B3GALT5: variants seen among roughly 807,000 people sequenced by gnomAD.
B3GALT5 encodes the protein UDP-Gal:betaGlcNAc beta 1,3-galactosyltransferase, polypeptide 5.
For missense variants in B3GALT5, 328 were observed against 396.6 expected (o/e 0.83, Z 1.47); for synonymous variants, 156 against 158.6 (o/e 0.98, Z 0.12).
chr21:39,623,201 TCCTCCCTCCCTCCCTCCCTCCCTC>T (rs1233817989), intron 1 of B3GALT5, among the ~76,000 whole-genome samples: 2,078 of 54,150 alleles, frequency 0.038, 118 homozygotes, highest in African/African-American at 0.077. Context: ...CCTCCCTCCT[TCCTCCCTCCCTCCCTCCCTCCCTC>T]CCTCCCTCCC....
At chr21:39,635,655 T>C (rs2146194557) in intron 1 of B3GALT5, among the ~76,000 whole-genome samples, 1 of 152,266 alleles carries the variant, frequency 6.6e-6, no homozygotes, top group South Asian at 2.1e-4. Context: ...ATTTTGTATT[T>C]TTTTAGTAAA....
At chr21:39,633,197 G>T (rs745442599) in intron 1 of B3GALT5, among the ~76,000 whole-genome samples, 6 of 152,196 alleles carry the variant, frequency 3.9e-5, no homozygotes, top group Admixed American at 1.3e-4. Flanking sequence ...GGCCACAAAG[G>T]TTTCTGTGGA....
At chr21:39,656,645 C>G (rs1029371349) in intron 2 of B3GALT5, among the ~76,000 whole-genome samples, 2 of 152,124 alleles carry the variant, frequency 1.3e-5, no homozygotes, top group African/African-American at 4.8e-5. Context: ...TCCAGACCCC[C>G]CCTTCAGTTT....
intron 1 of B3GALT5, among the ~76,000 whole-genome samples, chr21:39,638,854 C>T (rs2079249574): frequency 6.6e-6 from 1 of 152,158 alleles, no homozygotes; most frequent in East Asian, 1.9e-4. Flanking sequence ...ATCACACGCC[C>T]TGGGAGGAGG....
At chr21:39,656,235 G>A (rs926305450) in intron 2 of B3GALT5, among the ~76,000 whole-genome samples, 13 of 152,286 alleles carry the variant, frequency 8.5e-5, no homozygotes, top group African/African-American at 2.2e-4. Context: ...TTCCTTCTGC[G>A]TTCCTGGTGA....
intron 1 of B3GALT5, among the ~76,000 whole-genome samples, chr21:39,639,447 T>TC (rs1555926226): frequency 2.2e-5 from 3 of 135,606 alleles, no homozygotes; most frequent in Admixed American, 7.4e-5. Context: ...TTTCTTTCTT[T>TC]CTTTCTTTTT....
In B3GALT5 at chr21:39,667,878, A is replaced by G. The variant is rs561413927; in HGVS notation, c.*6386A>G. 6.6e-5 allele frequency: 10 copies of G among 152,190 alleles called. No individual in the cohort carries two copies. Among genetic ancestry groups the G allele is most frequent in the South Asian group, 2.1e-4 (1 of 4,820 alleles). 9.4% of individuals were successfully genotyped at this position (152,190 alleles called of 1,614,324 possible). A position where few individuals can be genotyped will look rare whatever the true frequency, so the allele number is the denominator to read the frequency against. ...TCCGGGTTCCAGCCCTGGCTCTGCA[A>G]TTTGCTAGCTGTGGCCCCAGGTGGT... On this transcript the variant is annotated 3_prime_UTR_variant, in exon 4 of 4. Coordinates refer to ENST00000684187, the MANE Select transcript of B3GALT5 (RefSeq NM_001356336.2).
chr21:39,638,514 T>C (rs2146196763), intron 1 of B3GALT5, among the ~76,000 whole-genome samples: 1 of 152,248 alleles, frequency 6.6e-6, no homozygotes, highest in Middle Eastern at 3.4e-3. Context: ...GGCTCCCCCA[T>C]CTGCTGAGAG....
intron 1 of B3GALT5, among the ~76,000 whole-genome samples, chr21:39,642,882 A>AG (rs1352814030): frequency 7.0e-5 from 10 of 141,850 alleles, no homozygotes; most frequent in African/African-American, 5.2e-5. Context: ...ACAAAAAAAA[A>AG]AAAAAAAAAG....
chr21:39,632,532 T>C (rs979849946), intron 1 of B3GALT5, among the ~76,000 whole-genome samples: 9 of 152,242 alleles, frequency 5.9e-5, no homozygotes, highest in Admixed American at 3.3e-4. Context: ...TGAATGTTTT[T>C]TGGGGATGAA....
chr21:39,630,699 A>C (rs1021297611), intron 1 of B3GALT5, among the ~76,000 whole-genome samples: 1 of 152,174 alleles, frequency 6.6e-6, no homozygotes, highest in Non-Finnish European at 1.5e-5. Flanking sequence ...GGTAGTTTCC[A>C]TGCATTCACT....
intron 1 of B3GALT5, among the ~76,000 whole-genome samples, chr21:39,619,918 G>A (rs935120148): frequency 7.2e-5 from 11 of 151,916 alleles, no homozygotes; most frequent in African/African-American, 1.2e-4. Context: ...AGCAATTCTC[G>A]TGCCTCAGCC....
At chr21:39,642,516 T>G (rs1160045431) in intron 1 of B3GALT5, among the ~76,000 whole-genome samples, 2 of 152,240 alleles carry the variant, frequency 1.3e-5, no homozygotes, top group Non-Finnish European at 2.9e-5. Flanking sequence ...GAGGTTCCTC[T>G]TCTTATATAC....
chr21:39,639,359 C>CTTTCTTTCTTTTT (rs1569212217), intron 1 of B3GALT5, among the ~76,000 whole-genome samples: 1 of 100,534 alleles, frequency 9.9e-6, no homozygotes. Flanking sequence ...TCCTTCCTTC[C>CTTTCTTTCTTTTT]TTCCTTCCTT....
chr21:39,617,451 A>G (rs1445820864), intron 1 of B3GALT5, among the ~76,000 whole-genome samples: 1 of 152,198 alleles, frequency 6.6e-6, no homozygotes, highest in Non-Finnish European at 1.5e-5. Flanking sequence ...CATGTCTTAC[A>G]TGGCCTGAGA....
intron 1 of B3GALT5, among the ~76,000 whole-genome samples, chr21:39,619,790 C>T (rs751781196): frequency 1.3e-5 from 2 of 151,836 alleles, no homozygotes; most frequent in Non-Finnish European, 2.9e-5. Flanking sequence ...TCTTTTCAGC[C>T]ATTCTTTTTC....
intron 1 of B3GALT5, among the ~76,000 whole-genome samples, chr21:39,637,290 T>C (rs1229955760): frequency 6.6e-6 from 1 of 152,192 alleles, no homozygotes; most frequent in Non-Finnish European, 1.5e-5. Context: ...AGCAGGGCCA[T>C]TGCCACTCTG....
intron 1 of B3GALT5, among the ~76,000 whole-genome samples, chr21:39,639,393 T>TCCTTCCTC (rs1228603521): frequency 1.0e-5 from 1 of 95,530 alleles, no homozygotes; most frequent in African/African-American, 3.8e-5. Context: ...CTTCCTTCCT[T>TCCTTCCTC]CTTTCTTTTT....
At chr21:39,643,491 C>T (rs1307207967) in intron 1 of B3GALT5, among the ~76,000 whole-genome samples, 2 of 152,010 alleles carry the variant, frequency 1.3e-5, no homozygotes, top group East Asian at 1.9e-4. Flanking sequence ...CTGGCAGCAA[C>T]AGCTGCCTTG....
Sources: gnomAD v4.1 joint callset for allele counts (sites outside exome capture counted in the v4.1 genomes callset) on GRCh38, gnomAD v4.1.1 for gene constraint, MANE v1.5 for transcripts, NCBI Gene and HGNC (gene_info 2026-07-23, HGNC 2026-07-21) for gene names.